Variants in FBXO3 observed in about 807,000 individuals in gnomAD.
FBXO3 encodes F-box only protein 3.
A neutral mutation model predicts 64.8 loss-of-function variants in FBXO3; 17 were observed. The ratio of observed to expected loss-of-function variants is 0.26; its 90% CI spans 0.18 to 0.39. The LOEUF (loss-of-function observed/expected upper bound fraction) is 0.39. Among genes scored for constraint, FBXO3 ranks in the 10% least tolerant of loss-of-function variants. The probability of loss-of-function intolerance (pLI) is 1.00; values close to 1 mark genes in which losing one functional copy is unlikely to be tolerated. For missense variants in FBXO3, 420 were observed against 589.9 expected (o/e 0.71, Z 2.98); for synonymous variants, 182 against 201.6 (o/e 0.90, Z 0.82).
At chr11:33,773,382 C>T (rs1012549044) in intron 1 of FBXO3, 2 of 152,288 alleles carry the variant, frequency 1.3e-5, no homozygotes, top group Non-Finnish European at 2.9e-5. Flanking sequence ...CAACAACTAT[C>T]TGTAGCTCCA....
At chr11:33,759,808 A>G (rs1855198732) in intron 3 of FBXO3, among the ~76,000 whole-genome samples, 1 of 152,238 alleles carries the variant, frequency 6.6e-6, no homozygotes, top group Non-Finnish European at 1.5e-5. Context: ...GATACATTCA[A>G]TGAATTAAAT....
In FBXO3 at chr11:33,750,668, A is replaced by G. The variant is rs1344824995; in HGVS notation, c.810-7T>C. On this transcript the variant is annotated splice_region_variant and splice_polypyrimidine_tract_variant and intron_variant, in intron 7 of 10. Coordinates refer to ENST00000265651, the MANE Select transcript of FBXO3 (RefSeq NM_012175.4). ...TTCTGGATCGTGAACATATCTAGGT[A>G]ATTTAAAAATTAAACATTTTAAAAT... The G allele has an allele frequency of 6.2e-7, 1 of 1,603,302 alleles. No homozygotes were observed. Among genetic ancestry groups the G allele is most frequent in the South Asian group, 1.1e-5 (1 of 89,732 alleles).
chr11:33,748,083 T>C (rs969941960), intron 9 of FBXO3, among the ~76,000 whole-genome samples: 1 of 151,972 alleles, frequency 6.6e-6, no homozygotes, highest in East Asian at 1.9e-4. Context: ...CCAGACAAAA[T>C]GGCACTCACA....
At chr11:33,749,360 C>CT (rs35452082) in intron 8 of FBXO3, among the ~76,000 whole-genome samples, 8,544 of 137,026 alleles carry the variant, frequency 0.062, 813 homozygotes, top group African/African-American at 0.2. Flanking sequence ...TGGGATTACA[C>CT]TTTTTTTTTT....
chr11:33,750,832 C>T (rs74364938), intron 7 of FBXO3, among the ~76,000 whole-genome samples, 171 bp from the exon 8 acceptor site: 4,072 of 152,236 alleles, frequency 0.027, 196 homozygotes, highest in African/African-American at 0.093. Flanking sequence ...TAGAAACAAA[C>T]TACAAAACCT....
At chr11:33,764,629 C>A (rs1855323638) in intron 3 of FBXO3, among the ~76,000 whole-genome samples, 1 of 152,094 alleles carries the variant, frequency 6.6e-6, no homozygotes, top group Non-Finnish European at 1.5e-5. Flanking sequence ...TGAGGAACTG[C>A]AATTACTTTT....
intron 3 of FBXO3, chr11:33,763,197 C>A: frequency 4.9e-6 from 2 of 407,452 alleles, no homozygotes; most frequent in South Asian, 3.6e-5. Flanking sequence ...AAAATAAGAC[C>A]AAGCTTACAT....
intron 3 of FBXO3, among the ~76,000 whole-genome samples, chr11:33,764,501 T>C (rs148862687): frequency 1.8e-3 from 280 of 152,296 alleles, no homozygotes; most frequent in Non-Finnish European, 3.5e-3. Context: ...TGACAGCATG[T>C]ACCGCTGGAT....
intron 10 of FBXO3, 116 bp from the exon 11 acceptor site, chr11:33,742,200 C>T: frequency 3.1e-6 from 3 of 978,644 alleles, no homozygotes. Context: ...ATATGAATTT[C>T]CATAGACTTG....
intron 6 of FBXO3, chr11:33,753,642 A>AT (rs1855018740): frequency 1.3e-5 from 2 of 152,236 alleles, no homozygotes; most frequent in African/African-American, 4.8e-5. Context: ...AGATCTTGAT[A>AT]TTATGAAGTA....
chr11:33,755,994 C>A lies in FBXO3; in HGVS notation c.474-19G>T. ...CAATAACCTGAGGAGCATACAGACT[C>A]AAACATGTAATACACGGCAGTGCCA... On this transcript the variant is annotated intron_variant, in intron 4 of 10. Transcript: ENST00000265651. 6.2e-7 allele frequency: 1 copy of A among 1,606,116 alleles called. No homozygotes were observed. Among genetic ancestry groups the A allele is most frequent in the South Asian group, 1.1e-5 (1 of 90,834 alleles).
intron 3 of FBXO3, among the ~76,000 whole-genome samples, chr11:33,763,786 G>A (rs964110812): frequency 6.6e-6 from 1 of 152,068 alleles, no homozygotes; most frequent in African/African-American, 2.4e-5. Flanking sequence ...AGTAAGGCAA[G>A]AAAAAGAAAT....
chr11:33,744,455 T>C (rs1185593077), intron 10 of FBXO3: 1 of 151,436 alleles, frequency 6.6e-6, no homozygotes, highest in African/African-American at 2.4e-5. Flanking sequence ...CTAATGCATA[T>C]CCCAAGAGGC....
At chr11:33,746,862 T>C in intron 10 of FBXO3, 1 of 1,417,666 alleles carries the variant, frequency 7.1e-7, no homozygotes. Flanking sequence ...TGGTCTAATG[T>C]GGTATTTCTC....
rs764003350 is a variant in FBXO3, at chr11:33,774,394, T to C, written c.104A>G (p.Asn35Ser). The C allele has an allele frequency of 1.0e-5, 16 of 1,593,524 alleles. No individual in the cohort carries two copies. Among genetic ancestry groups the C allele is most frequent in the Non-Finnish European group, 1.4e-5 (16 of 1,169,392 alleles). The change falls in exon 1 of 11, where the codon AAC becomes AGC. Residue 35 changes from asparagine (N) to serine (S), a missense_variant and splice_region_variant. This residue lies in a region of FBXO3 where 337 missense variants were observed against 518.4 expected (regional missense o/e 0.65). Coordinates refer to ENST00000265651, the MANE Select transcript of FBXO3 (RefSeq NM_012175.4). ...LSFLDYRDLI[N>S]CCYVSRRLSQ... ...CCTGCCATGCGTGTCGTCCCATTAC[T>C]TGATTAGATCCCGATAGTCCAAAAA...
chr11:33,765,163 T>C (rs1855336791), intron 3 of FBXO3, among the ~76,000 whole-genome samples: 1 of 152,154 alleles, frequency 6.6e-6, no homozygotes, highest in East Asian at 1.9e-4. Flanking sequence ...TTAATAGTAA[T>C]GTGCCAATGA....
At chr11:33,773,683 C>A (rs1193821113) in intron 1 of FBXO3, 1 of 152,248 alleles carries the variant, frequency 6.6e-6, no homozygotes, top group Non-Finnish European at 1.5e-5. Flanking sequence ...CCACCCTTAT[C>A]AGCAACCGGT....
intron 5 of FBXO3, 70 bp from the exon 6 acceptor site, chr11:33,754,570 T>C: frequency 1.2e-5 from 16 of 1,368,556 alleles, no homozygotes; most frequent in Non-Finnish European, 1.5e-5. Context: ...ATTATCTGTA[T>C]CTTTCCCTGG....
At chr11:33,756,012 C>A in intron 4 of FBXO3, 37 bp from the exon 5 acceptor site, 1 of 1,548,578 alleles carries the variant, frequency 6.5e-7, no homozygotes, top group Non-Finnish European at 8.9e-7. Flanking sequence ...TAATACACGG[C>A]AGTGCCAAAG....
Sources: allele counts gnomAD v4.1 joint callset (sites outside exome capture counted in the v4.1 genomes callset), GRCh38; gene constraint gnomAD v4.1.1; regional missense constraint gnomAD v4.1.1; transcripts MANE v1.5; gene names NCBI Gene and HGNC (gene_info 2026-07-23, HGNC 2026-07-21).